The following SLC8A3 variants were observed in gnomAD, a reference collection of about 807,000 sequenced individuals.
SLC8A3 encodes sodium/calcium exchanger 3.
A neutral mutation model predicts 65.4 loss-of-function variants in SLC8A3; 37 were observed. The observed-to-expected ratio is 0.57, with a 90% CI of 0.44 to 0.74. The LOEUF (loss-of-function observed/expected upper bound fraction) is 0.74, where lower values mean the gene tolerates loss of function less well. Ranked by LOEUF, SLC8A3 falls within the 30% of genes least tolerant of loss-of-function variation. The pLI is 0.00. For missense variants in SLC8A3, 1,112 were observed against 1,172.1 expected, an observed-to-expected ratio of 0.95 and a Z score of 0.75; for synonymous variants, 461 against 444.5, an observed-to-expected ratio of 1.04 and a Z score of -0.47.
At chr14:70,171,022 G>C (rs1356775861) in intron 1 of SLC8A3, among the ~76,000 whole-genome samples, 2 of 152,208 alleles carry the variant, frequency 1.3e-5, no homozygotes, top group Non-Finnish European at 2.9e-5. Flanking sequence ...TCAGAGGTTT[G>C]ACACTCACCC....
At chr14:70,151,820 C>T (rs1896294764) in intron 2 of SLC8A3, among the ~76,000 whole-genome samples, 1 of 152,222 alleles carries the variant, frequency 6.6e-6, no homozygotes, top group East Asian at 1.9e-4. Context: ...CCTAGCAATC[C>T]TTGGAGTTCC....
intron 1 of SLC8A3, among the ~76,000 whole-genome samples, chr14:70,174,114 T>G (rs894869133): frequency 6.6e-6 from 1 of 152,218 alleles, no homozygotes; most frequent in African/African-American, 2.4e-5. Flanking sequence ...ATTCTGGCAG[T>G]CCACCTCCAG....
At chr14:70,139,557 G>A (rs187489984) in intron 2 of SLC8A3, among the ~76,000 whole-genome samples, 236 of 152,304 alleles carry the variant, frequency 1.5e-3, no homozygotes, top group Admixed American at 2.0e-3. Flanking sequence ...GAACAGTAGC[G>A]TAAGGTATCT....
chr14:70,122,935 G>A (rs777535267), intron 2 of SLC8A3, among the ~76,000 whole-genome samples: 9 of 152,054 alleles, frequency 5.9e-5, no homozygotes, highest in East Asian at 3.9e-4. Context: ...AGCTGGGTGC[G>A]GTGGCGGGCG....
chr14:70,175,372 G>C (rs1208246860), intron 1 of SLC8A3, among the ~76,000 whole-genome samples: 1 of 152,118 alleles, frequency 6.6e-6, no homozygotes, highest in Non-Finnish European at 1.5e-5. Context: ...ATTTACCCAA[G>C]GTCTACCAGC....
rs535582320 is a variant in SLC8A3, at chr14:70,143,034, C to T, written c.1784+23605G>A. ...GAGTCTCATTCTGTCCCCAGCTACC[C>T]CCAGCTTACCCTGTGGGGGCTCATT... On this transcript the variant is annotated intron_variant, in intron 2 of 6. Coordinates refer to ENST00000356921, the MANE Select transcript of SLC8A3 (RefSeq NM_182932.3). 3.9e-5 allele frequency among the ~76,000 whole-genome samples: 6 copies of T among 152,282 alleles called. No homozygotes were observed. The South Asian group carries it at 1.2e-3, about 32-fold the overall frequency.
chr14:70,127,131 C>T lies in SLC8A3; in HGVS notation c.1784+39508G>A, dbSNP rs962766355. Among the ~76,000 whole-genome samples the T allele has an allele frequency of 2.0e-5, 3 of 150,286 alleles. No individual in the cohort carries two copies. In the Admixed American group the frequency reaches 2.0e-4, roughly 10 times the overall value. ...CTATAATGGCTCCCAAATGTATTCC[C>T]AAGTAATTTACAAGCAAATTAAACT... On this transcript the variant is annotated intron_variant, in intron 2 of 6. Coordinates refer to ENST00000356921, the MANE Select transcript of SLC8A3 (RefSeq NM_182932.3).
chr14:70,095,891 T>C (rs1281207386), intron 2 of SLC8A3, among the ~76,000 whole-genome samples: 2 of 152,090 alleles, frequency 1.3e-5, no homozygotes, highest in African/African-American at 2.4e-5. Context: ...CTTCTTTTTT[T>C]TTTTCGTTGA....
intron 1 of SLC8A3, among the ~76,000 whole-genome samples, chr14:70,175,210 A>C (rs1156465178): frequency 2.0e-5 from 3 of 152,180 alleles, no homozygotes; most frequent in Non-Finnish European, 4.4e-5. Context: ...TGACAACAGC[A>C]ATGATCATAT....
chr14:70,187,624 TGTGTGTGTGTGTGTG>T (rs1566843432), intron 1 of SLC8A3, among the ~76,000 whole-genome samples: 7 of 130,934 alleles, frequency 5.3e-5, no homozygotes, highest in African/African-American at 7.6e-5. Context: ...TGTGTGTGTG[TGTGTGTGTGTGTGTG>T]TCCGCGCGCG....
intron 1 of SLC8A3, among the ~76,000 whole-genome samples, chr14:70,184,403 C>T (rs1408513195): frequency 6.6e-6 from 1 of 152,246 alleles, no homozygotes; most frequent in Non-Finnish European, 1.5e-5. Flanking sequence ...TCTCCACACT[C>T]AACTCCCCAC....
rs1485945220 is a variant in SLC8A3, at chr14:70,157,349, T to G, written c.1784+9290A>C. 4.6e-5 allele frequency among the ~76,000 whole-genome samples: 7 copies of G among 151,994 alleles called. 1 individual carries two copies. In the East Asian group the frequency reaches 1.4e-3, roughly 29 times the overall value. On this transcript the variant is annotated intron_variant, in intron 2 of 6. Transcript: ENST00000356921. The stretch of plus-strand genomic sequence containing the variant: ...TCCCATGGCAATTTCAATTTCCCAC[T>G]CCATCATTCAGTTATGACAGACCAG...
chr14:70,180,423 C>T (rs1357431008), intron 1 of SLC8A3, among the ~76,000 whole-genome samples: 2 of 152,144 alleles, frequency 1.3e-5, no homozygotes, highest in Non-Finnish European at 2.9e-5. Context: ...CCTCCTATTA[C>T]AAGGGGGTGC....
At chr14:70,179,920 C>T (rs1353555238) in intron 1 of SLC8A3, among the ~76,000 whole-genome samples, 2 of 152,318 alleles carry the variant, frequency 1.3e-5, no homozygotes, top group East Asian at 1.9e-4. Flanking sequence ...AGAACCAAAC[C>T]TTCGTGCTGT....
chr14:70,075,474 A>G (rs1040641387), intron 2 of SLC8A3, among the ~76,000 whole-genome samples: 5 of 152,120 alleles, frequency 3.3e-5, no homozygotes, highest in African/African-American at 1.2e-4. Context: ...TGTGCTCTGG[A>G]AAGGTGGTGT....
chr14:70,129,310 C>T (rs1431226688), intron 2 of SLC8A3, among the ~76,000 whole-genome samples: 2 of 152,282 alleles, frequency 1.3e-5, no homozygotes, highest in Admixed American at 6.5e-5. Flanking sequence ...CACTCCTGGA[C>T]ACAGGGTGAA....
At chr14:70,147,217 G>A (rs1023456530) in intron 2 of SLC8A3, among the ~76,000 whole-genome samples, 19 of 152,272 alleles carry the variant, frequency 1.2e-4, no homozygotes, top group Non-Finnish European at 2.4e-4. Flanking sequence ...GAGGGAAATT[G>A]TTATATACTT....
At chr14:70,079,639 C>T (rs1890864226) in intron 2 of SLC8A3, among the ~76,000 whole-genome samples, 1 of 152,090 alleles carries the variant, frequency 6.6e-6, no homozygotes, top group African/African-American at 2.4e-5. Flanking sequence ...ATGGCCCCCA[C>T]CCCCATGCCA....
At chr14:70,178,195 C>G (rs907843990) in intron 1 of SLC8A3, among the ~76,000 whole-genome samples, 1 of 152,226 alleles carries the variant, frequency 6.6e-6, no homozygotes, top group African/African-American at 2.4e-5. Flanking sequence ...AACCATCCAA[C>G]TTAGATATCT....
Sources: allele counts gnomAD v4.1 joint callset (sites outside exome capture counted in the v4.1 genomes callset), GRCh38; gene constraint gnomAD v4.1.1; transcripts MANE v1.5; gene names NCBI Gene and HGNC (gene_info 2026-07-23, HGNC 2026-07-21).